Variants in HBS1L observed in about 807,000 individuals in gnomAD.
HBS1L encodes the protein HBS1 like translational GTPase.
Under a neutral mutation model 88.9 loss-of-function variants are expected in HBS1L, and 55 were observed. The observed-to-expected ratio is 0.62, with a 90% confidence interval of 0.50 to 0.77. HBS1L has a LOEUF of 0.77. Among genes scored for constraint, HBS1L ranks in the 30% least tolerant of loss-of-function variants. The pLI is 0.00. For missense variants in HBS1L, 741 were observed against 829.3 expected, an observed-to-expected ratio of 0.89 and a Z score of 1.31; for synonymous variants, 267 against 288.5, an observed-to-expected ratio of 0.93 and a Z score of 0.76.
chr6:134,978,576 A>C (rs2114766303), intron 15 of HBS1L, 103 bp downstream of exon 15: 1 of 588,474 alleles, frequency 1.7e-6, no homozygotes, highest in East Asian at 2.8e-5. Flanking sequence ...ATGTTAATTC[A>C]AAATAAATAT....
rs562533120 is a variant in HBS1L, at chr6:134,966,397, A to C, written c.1975T>G (p.Phe659Val). The C allele has an allele frequency of 1.9e-6, 3 of 1,613,006 alleles. No homozygotes were observed. Among genetic ancestry groups the C allele is most frequent in the Admixed American group, 3.3e-5 (2 of 59,998 alleles). The change falls in exon 17 of 18, where the codon TTT becomes GTT. Residue 659 changes from phenylalanine to valine, a missense_variant. Phe to Val is a conservative substitution (Grantham distance 50). Transcript: ENST00000367837. ...AGCATGAACCTCCCCAGCTCTTTAA[A>C]GTCTTTATATAGCTCAAGAGCTATT... ...RPIALELYKD[F>V]KELGRFMLRY...
intron 4 of HBS1L, among the ~76,000 whole-genome samples, chr6:135,032,608 A>G (rs1776420291): frequency 1.3e-5 from 2 of 152,288 alleles, no homozygotes; most frequent in African/African-American, 4.8e-5. Flanking sequence ...TACAATGTAT[A>G]CTTGTTTATT....
At chr6:135,036,650 G>A in intron 4 of HBS1L, 3 of 1,550,918 alleles carry the variant, frequency 1.9e-6, no homozygotes, top group South Asian at 2.4e-5. Flanking sequence ...GCTACAAGTG[G>A]ACTTATTTCT....
intron 16 of HBS1L, among the ~76,000 whole-genome samples, chr6:134,968,855 G>A (rs1774397408): frequency 6.6e-6 from 1 of 152,030 alleles, no homozygotes; most frequent in Admixed American, 6.6e-5. Flanking sequence ...ATCTTATTAA[G>A]GAGGTGACAA....
At chr6:135,020,600 A>T (rs1244314478) in intron 4 of HBS1L, among the ~76,000 whole-genome samples, 3 of 152,070 alleles carry the variant, frequency 2.0e-5, no homozygotes, top group African/African-American at 4.8e-5. Flanking sequence ...TTTATGAAAT[A>T]ACACTATCAA....
intron 13 of HBS1L, 119 bp downstream of exon 13, chr6:134,982,339 C>T: frequency 1.6e-6 from 1 of 627,336 alleles, no homozygotes; most frequent in Non-Finnish European, 2.9e-6. Context: ...ATCATTTTGA[C>T]AGTCAGTTAC....
At chr6:135,005,727 T>C (rs1775591991) in intron 4 of HBS1L, among the ~76,000 whole-genome samples, 1 of 152,150 alleles carries the variant, frequency 6.6e-6, no homozygotes, top group South Asian at 2.1e-4. Context: ...TAGAATGAGA[T>C]GGAATCCAAA....
Position 134,964,588 on chromosome 6 carries a change from C to CAG in HBS1L, c.*689_*690dup, listed in dbSNP as rs1276948188. On this transcript the variant is annotated 3_prime_UTR_variant, in exon 18 of 18. Coordinates refer to ENST00000367837, the MANE Select transcript of HBS1L (RefSeq NM_006620.4). ...CCTAAATCATATTTACTGTTAGTGGCAGAGAATCTCATAAATGTCTAAAGA... is the reference window on the plus strand; with the variant it reads ...CCTAAATCATATTTACTGTTAGTGGCAGAGAGAATCTCATAAATGTCTAAAGA... 6.6e-6 allele frequency: 1 copy of CAG among 152,106 alleles called. No individual in the cohort carries two copies. Among genetic ancestry groups the CAG allele is most frequent in the African/African-American group, 2.4e-5 (1 of 41,424 alleles). The allele number at this position is 152,106 out of a possible 1,614,324, so 9.4% of individuals were successfully genotyped here. A position where few individuals can be genotyped will look rare whatever the true frequency, so the allele number is the denominator to read the frequency against.
At chr6:135,054,593 C>G (rs1436495812) in intron 1 of HBS1L, 56 bp downstream of exon 1, 4 of 1,597,160 alleles carry the variant, frequency 2.5e-6, no homozygotes, top group Non-Finnish European at 2.6e-6. Context: ...TGCCAACGGG[C>G]TAGGATCCCA....
At chr6:134,978,919 C>T in intron 14 of HBS1L, 132 bp from the exon 15 acceptor site, 2 of 636,994 alleles carry the variant, frequency 3.1e-6, no homozygotes, top group East Asian at 2.7e-5. Flanking sequence ...ATATTCTCTT[C>T]TGAGCTAAAG....
intron 4 of HBS1L, among the ~76,000 whole-genome samples, chr6:135,012,655 C>A (rs1775808888): frequency 1.3e-5 from 2 of 152,144 alleles, no homozygotes; most frequent in South Asian, 2.1e-4. Context: ...TCAAGATCCA[C>A]CTCTTCCTTG....
intron 8 of HBS1L, among the ~76,000 whole-genome samples, chr6:134,991,086 T>A (rs897520718): frequency 6.8e-6 from 1 of 147,866 alleles, no homozygotes; most frequent in Non-Finnish European, 1.5e-5. Context: ...CACACACATA[T>A]ACACATATAA....
chr6:135,008,915 G>C (rs1775687586), intron 4 of HBS1L, among the ~76,000 whole-genome samples: 1 of 151,772 alleles, frequency 6.6e-6, no homozygotes, highest in African/African-American at 2.4e-5. Context: ...AATCCCTAAG[G>C]GTTTAAATTG....
At chr6:134,994,232 T>C (rs750051236) in intron 7 of HBS1L, among the ~76,000 whole-genome samples, 3 of 152,090 alleles carry the variant, frequency 2.0e-5, no homozygotes, top group Non-Finnish European at 4.4e-5. Context: ...AATGCAAAAT[T>C]ACCACGACCG....
intron 12 of HBS1L, among the ~76,000 whole-genome samples, chr6:134,984,462 G>T (rs1436545265): frequency 6.6e-6 from 1 of 152,240 alleles, no homozygotes; most frequent in East Asian, 1.9e-4. Flanking sequence ...AATGACAGAG[G>T]ATACAGAGAA....
chr6:134,974,480 C>T (rs2114757711), intron 15 of HBS1L, among the ~76,000 whole-genome samples: 1 of 152,128 alleles, frequency 6.6e-6, no homozygotes, highest in Non-Finnish European at 1.5e-5. Flanking sequence ...AGACCAACAC[C>T]CCTGATAAAC....
Position 135,039,642 on chromosome 6 carries a change from C to T in HBS1L, c.361G>A (p.Glu121Lys). 1 of 1,614,118 alleles carries T rather than the reference C, an allele frequency of 6.2e-7. No homozygotes were observed. Among genetic ancestry groups the T allele is most frequent in the Non-Finnish European group, 8.5e-7 (1 of 1,180,012 alleles). The change falls in exon 4 of 18, where the codon GAA becomes AAA. Residue 121 changes from glutamate (E) to lysine (K), a missense_variant. Around this residue, in one of 3 missense-constraint regions of HBS1L, gnomAD observed 556 missense variants for 598.4 expected, o/e 0.93. Coordinates refer to ENST00000367837, the MANE Select transcript of HBS1L (RefSeq NM_006620.4). Reference sequence around the variant, plus strand: ...TTCAAACTCTGCACTCTATCTTGTTCCAGAACCCCTGACAAAGCCTTCTGC... The same window carrying T: ...TTCAAACTCTGCACTCTATCTTGTTTCAGAACCCCTGACAAAGCCTTCTGC... Reference protein sequence around the residue: ...DVQKALSGVLEQDRVQSLKDK... With the variant: ...DVQKALSGVLKQDRVQSLKDK...
At chr6:135,039,548 T>C (rs768392470) in intron 4 of HBS1L, 25 bp downstream of exon 4, 2 of 1,591,232 alleles carry the variant, frequency 1.3e-6, no homozygotes, top group Non-Finnish European at 8.6e-7. Context: ...GTAAAACAAG[T>C]GAAAAAGAAC....
intron 2 of HBS1L, among the ~76,000 whole-genome samples, chr6:135,046,490 T>C (rs948582971): frequency 3.3e-5 from 5 of 152,216 alleles, no homozygotes; most frequent in African/African-American, 1.2e-4. Context: ...CTCCTTTTGC[T>C]ACCCCCTACT....
Sources: allele counts gnomAD v4.1 joint callset (sites outside exome capture counted in the v4.1 genomes callset), GRCh38; gene constraint gnomAD v4.1.1; regional missense constraint gnomAD v4.1.1; transcripts MANE v1.5; gene names NCBI Gene and HGNC (gene_info 2026-07-23, HGNC 2026-07-21).